The following OAS3 variants were observed in gnomAD, a reference collection of about 807,000 sequenced individuals.
The protein encoded by OAS3 is 2'-5'-oligoadenylate synthase 3.
Under a neutral mutation model 113.0 loss-of-function variants are expected in OAS3, and 107 were observed. The ratio of observed to expected loss-of-function variants is 0.95; its 90% confidence interval spans 0.81 to 1.11. The LOEUF (loss-of-function observed/expected upper bound fraction) is 1.11. OAS3 is among the 50% of genes most tolerant of loss of function. The pLI is 0.00. For missense variants in OAS3, 1,258 were observed against 1,389.1 expected (o/e 0.91, Z 1.50); for synonymous variants, 552 against 573.6 (o/e 0.96, Z 0.54).
In OAS3 at chr12:112,961,246, G is replaced by C. The variant is rs550667697; in HGVS notation, c.1833G>C (p.Gln611His). 2.5e-5 allele frequency: 40 copies of C among 1,613,198 alleles called. 2 individuals carry two copies. In the African/African-American group the frequency reaches 2.8e-4, roughly 11 times the overall value. ...TGCTGGTGAAGCACTGGTACCGCCA[G>C]GTGAGTTGCCCCTGGCTCCTCCCAG... ...LILLVKHWYR[Q>H]VAAQNKGKGP... is the part of the protein sequence containing the mutation. The change falls in exon 8 of 16, where the codon CAG becomes CAC. Residue 611 changes from glutamine to histidine, a missense_variant and splice_region_variant. Physicochemically the swap from Gln to His is conservative, Grantham distance 24 (BLOSUM62 0). Coordinates refer to ENST00000228928, the MANE Select transcript of OAS3 (RefSeq NM_006187.4).
At position 112,970,318 on chromosome 12, in the gene OAS3, C is replaced by G. The variant is rs1296466316; in HGVS notation, c.*345C>G. The G allele has an allele frequency of 2.6e-6, 1 of 379,270 alleles. No individual in the cohort carries two copies. The highest frequency in any genetic ancestry group is 2.0e-5 in the African/African-American group (1 of 49,046). The allele number at this position is 379,270 out of a possible 1,614,324, so 23.5% of individuals were successfully genotyped here. A position where few individuals can be genotyped will look rare whatever the true frequency, so the allele number is the denominator to read the frequency against. ...ATGCCCCCTCCTCCCTGACTCCTCTCTGCCCATGCAAATTAGCTCACATCT... is the reference window on the plus strand; with the variant it reads ...ATGCCCCCTCCTCCCTGACTCCTCTGTGCCCATGCAAATTAGCTCACATCT... On this transcript the variant is annotated 3_prime_UTR_variant, in exon 16 of 16. Coordinates refer to ENST00000228928, the MANE Select transcript of OAS3 (RefSeq NM_006187.4).
At chr12:112,964,714 C>T (rs1442301366) in intron 11 of OAS3, among the ~76,000 whole-genome samples, 1 of 151,986 alleles carries the variant, frequency 6.6e-6, no homozygotes, top group East Asian at 1.9e-4. Context: ...GCCCAGGCAG[C>T]ATCATCAGGA....
At chr12:112,956,028 T>C (rs1322446765) in intron 7 of OAS3, among the ~76,000 whole-genome samples, 2 of 152,244 alleles carry the variant, frequency 1.3e-5, no homozygotes, top group South Asian at 4.1e-4. Flanking sequence ...GTTATTGGTC[T>C]ATTCAGGGAT....
rs1398898204 is a variant in OAS3, at chr12:112,971,715, A to G, written c.*1742A>G. 6.6e-6 allele frequency: 1 copy of G among 152,194 alleles called. No homozygotes were observed. The highest frequency in any genetic ancestry group is 1.5e-5 in the Non-Finnish European group (1 of 68,044). The allele number at this position is 152,194 out of a possible 1,614,324, so 9.4% of individuals were successfully genotyped here. On this transcript the variant is annotated 3_prime_UTR_variant, in exon 16 of 16. Transcript: ENST00000228928. ...TCCCTCATTATTGTCATTCTTGGAGAGAGGTGAGCAACCAAGGGAAGCTCC... is the reference window on the plus strand; with the variant it reads ...TCCCTCATTATTGTCATTCTTGGAGGGAGGTGAGCAACCAAGGGAAGCTCC...
At chr12:112,947,120 C>T (rs750948719) in intron 4 of OAS3, 139 bp downstream of exon 4, 6 of 666,558 alleles carry the variant, frequency 9.0e-6, no homozygotes, top group Non-Finnish European at 1.3e-5. Flanking sequence ...TGTTTTAATT[C>T]ACTGGACTCA....
intron 12 of OAS3, among the ~76,000 whole-genome samples, chr12:112,966,701 G>A (rs551144489): frequency 6.6e-6 from 1 of 152,254 alleles, no homozygotes; most frequent in South Asian, 2.1e-4. Flanking sequence ...GAGTGCAGTG[G>A]CACCATCATG....
At position 112,970,339 on chromosome 12, in the gene OAS3, C is replaced by A; in HGVS notation, c.*366C>A. ...CTCTCTGCCCATGCAAATTAGCTCA[C>A]ATCTTTCCTCCTGCTGCAATCCATC... On this transcript the variant is annotated 3_prime_UTR_variant, in exon 16 of 16. Transcript: ENST00000228928. 1 of 321,076 alleles carries A rather than the reference C, an allele frequency of 3.1e-6. No individual in the cohort carries two copies. The highest frequency in any genetic ancestry group is 5.8e-6 in the Non-Finnish European group (1 of 172,182). The allele number at this position is 321,076 out of a possible 1,614,324, so 19.9% of individuals were successfully genotyped here.
At position 112,949,207 on chromosome 12, in the gene OAS3, T is replaced by TG; in HGVS notation, c.1374+3dup. 1 of 1,596,676 alleles carries TG rather than the reference T, an allele frequency of 6.3e-7. No individual in the cohort carries two copies. ...CACAAGGCCTCAAGAGTCAGTAAAG[T>TG]GAGTTGGGCCAGTGGAGACACAGGG... On this transcript the variant is annotated splice_region_variant and intron_variant, in intron 6 of 15. Transcript: ENST00000228928.
Position 112,964,604 on chromosome 12 carries a change from T to C in OAS3, c.2403+196T>C, listed in dbSNP as rs1192709008. 2.6e-5 allele frequency among the ~76,000 whole-genome samples: 4 copies of C among 151,964 alleles called. No individual in the cohort carries two copies. In the East Asian group the frequency reaches 7.7e-4, roughly 29 times the overall value. On this transcript the variant is annotated intron_variant, in intron 11 of 15. Transcript: ENST00000228928. ...TGTCCAACAAGTCTCTTTTGGTTGC[T>C]AGTGACACCTAACTCAAAAGACACA...
chr12:112,955,676 G>C (rs139263650), intron 7 of OAS3, among the ~76,000 whole-genome samples: 2 of 152,366 alleles, frequency 1.3e-5, no homozygotes, highest in African/African-American at 4.8e-5. Flanking sequence ...AAGCCAACTT[G>C]ATCAGGGTGG....
intron 14 of OAS3, 160 bp from the exon 15 acceptor site, chr12:112,969,448 T>C (rs1412971346): frequency 1.7e-5 from 13 of 778,146 alleles, no homozygotes; most frequent in Non-Finnish European, 2.7e-5. Flanking sequence ...TCTTATTTTC[T>C]ATACCTGCCC....
At position 112,962,770 on chromosome 12, in the gene OAS3, T is replaced by A. The variant is rs1280108427; in HGVS notation, c.1952T>A (p.Met651Lys). The A allele has an allele frequency of 6.2e-7, 1 of 1,613,926 alleles. No individual in the cohort carries two copies. The highest frequency in any genetic ancestry group is 8.5e-7 in the Non-Finnish European group (1 of 1,179,908). ...GGCTGCAGGCAGGATTGTTTCAACA[T>A]GGCCCAAGGCTTCCGGACGGTGCTG... is the stretch of plus-strand genomic sequence containing the variant. ...EQGCRQDCFN[M>K]AQGFRTVLGL... The change falls in exon 9 of 16, where the codon ATG becomes AAG. Residue 651 changes from methionine to lysine, a missense_variant. Physicochemically the swap from Met to Lys is moderately conservative, Grantham distance 95. Transcript: ENST00000228928.
Position 112,963,343 on chromosome 12 carries a change from C to T in OAS3, c.2115C>T (p.Thr705=), listed in dbSNP as rs1237810000. The change falls in exon 10 of 16, where the codon ACC becomes ACT. Residue 705 remains threonine (T), a synonymous_variant. Transcript: ENST00000228928. The surrounding 1 kb of genome is among the most constrained non-coding windows in gnomAD (Gnocchi z 4.6). ...TGGTCCTGGACCCCGCTGATCCCAC[C>T]TGGAACGTGGGCCACGGTAGCTGGG... ...RPLVLDPADP[T]WNVGHGSWEL... The T allele has an allele frequency of 6.4e-7, 1 of 1,571,864 alleles. No individual in the cohort carries two copies. The highest frequency in any genetic ancestry group is 2.4e-5 in the East Asian group (1 of 42,020).
chr12:112,955,590 G>A (rs1323670951), intron 7 of OAS3, among the ~76,000 whole-genome samples: 1 of 152,172 alleles, frequency 6.6e-6, no homozygotes, highest in East Asian at 1.9e-4. Context: ...TGTGGTTTTT[G>A]TCTTTGGTTC....
chr12:112,969,003 C>A (rs953192021), intron 14 of OAS3, among the ~76,000 whole-genome samples: 8 of 152,148 alleles, frequency 5.3e-5, no homozygotes, highest in Admixed American at 5.2e-4. Context: ...GTTGAAAAAG[C>A]TTCTAAGGTT....
intron 7 of OAS3, among the ~76,000 whole-genome samples, chr12:112,952,518 AG>A (rs1232305564): frequency 1.3e-5 from 2 of 148,706 alleles, no homozygotes; most frequent in Non-Finnish European, 3.0e-5. Context: ...CACTAATAAT[AG>A]GGGAGATTAT....
rs1289416077 is a variant in OAS3, at chr12:112,971,807, G to A, written c.*1834G>A. 2.0e-5 allele frequency: 3 copies of A among 152,218 alleles called. No homozygotes were observed. Among genetic ancestry groups the A allele is most frequent in the African/African-American group, 7.2e-5 (3 of 41,450 alleles). 9.4% of individuals were successfully genotyped at this position (152,218 alleles called of 1,614,324 possible). A position where few individuals can be genotyped will look rare whatever the true frequency, so the allele number is the denominator to read the frequency against. ...GCCTACAGAGACTAGAGTAGGTGAA[G>A]GGACAGAGGACAGGGCTTCTAATAC... On this transcript the variant is annotated 3_prime_UTR_variant, in exon 16 of 16. Coordinates refer to ENST00000228928, the MANE Select transcript of OAS3 (RefSeq NM_006187.4).
At position 112,949,081 on chromosome 12, in the gene OAS3, A is replaced by G; in HGVS notation, c.1250A>G (p.Asp417Gly). Residue 417 changes from aspartate (D) to glycine (G), a missense_variant, in exon 6 of 16, where the codon GAC (aspartate) becomes GGC (glycine). Asp to Gly is a moderately conservative substitution (Grantham distance 94, BLOSUM62 -1). Coordinates refer to ENST00000228928, the MANE Select transcript of OAS3 (RefSeq NM_006187.4). ...TCTCAGATCCCCACCAAGGAGCTGGACCGCTTCATCCAGGACCACCTGAAG... is the reference window on the plus strand; with the variant it reads ...TCTCAGATCCCCACCAAGGAGCTGGGCCGCTTCATCCAGGACCACCTGAAG... Reference protein sequence around the residue: ...DLSQIPTKELDRFIQDHLKPS... With the variant: ...DLSQIPTKELGRFIQDHLKPS... 6.2e-7 allele frequency: 1 copy of G among 1,613,976 alleles called. No individual in the cohort carries two copies. Among genetic ancestry groups the G allele is most frequent in the South Asian group, 1.1e-5 (1 of 91,076 alleles).
chr12:112,951,861 A>G (rs1200137542), intron 7 of OAS3, among the ~76,000 whole-genome samples: 2 of 135,574 alleles, frequency 1.5e-5, no homozygotes, highest in African/African-American at 5.6e-5. Context: ...AAAAAAAAAA[A>G]AATAGCCTGG....
Sources: allele counts gnomAD v4.1 joint callset (sites outside exome capture counted in the v4.1 genomes callset), GRCh38; gene constraint gnomAD v4.1.1; non-coding constraint Gnocchi (gnomAD v3.1); transcripts MANE v1.5; gene names NCBI Gene and HGNC (gene_info 2026-07-23, HGNC 2026-07-21).